Variants in B3GLCT observed in about 807,000 individuals in gnomAD.
B3GLCT encodes beta-1,3-glucosyltransferase.
B3GLCT carries 65 observed loss-of-function variants against 63.4 expected under a neutral mutation model. The observed-to-expected ratio is 1.03, with a 90% CI of 0.84 to 1.26. The LOEUF (loss-of-function observed/expected upper bound fraction) is 1.26. B3GLCT is among the 50% of genes most tolerant of loss of function. The pLI is 0.00. For missense variants in B3GLCT, 577 were observed against 604.8 expected (o/e 0.95, Z 0.48); for synonymous variants, 233 against 219.2 (o/e 1.06, Z -0.55).
rs1871228872 is a variant in B3GLCT, at chr13:31,247,052, G to A, written c.300G>A (p.Gln100=). ...TCCCCAGTGTCCTCCTCCTTCATCA[G>A]CTGGCTAAACAAGAAGGTGCATGGA... ...QELPSVLLLH[Q]LAKQEGAWTI... Residue 100 remains glutamine (Q), a synonymous_variant, in exon 5 of 15, where the codon CAG becomes CAA. Coordinates refer to ENST00000343307, the MANE Select transcript of B3GLCT (RefSeq NM_194318.4). 8 of 1,610,390 alleles carry A rather than the reference G, an allele frequency of 5.0e-6. No individual in the cohort carries two copies. In the East Asian group the frequency reaches 1.8e-4, roughly 36 times the overall value.
intron 4 of B3GLCT, among the ~76,000 whole-genome samples, chr13:31,232,232 A>G (rs1313248787): frequency 6.6e-6 from 1 of 152,212 alleles, no homozygotes; most frequent in African/African-American, 2.4e-5. Context: ...ATATTAGTCC[A>G]TCTTTGCATC....
chr13:31,328,425 G>A (rs1325799758), intron 14 of B3GLCT, among the ~76,000 whole-genome samples: 1 of 152,052 alleles, frequency 6.6e-6, no homozygotes, highest in African/African-American at 2.4e-5. Context: ...TGGGCAAAGT[G>A]GCTCACGCCT....
intron 12 of B3GLCT, among the ~76,000 whole-genome samples, chr13:31,291,707 A>C (rs1391308618): frequency 3.9e-5 from 6 of 152,172 alleles, no homozygotes; most frequent in Non-Finnish European, 8.8e-5. Context: ...CAGCTTAAGG[A>C]GATTTTGGGC....
chr13:31,212,042 G>T (rs1317873421), intron 1 of B3GLCT, among the ~76,000 whole-genome samples: 2 of 152,070 alleles, frequency 1.3e-5, no homozygotes, highest in Non-Finnish European at 2.9e-5. Context: ...AGAGGAAATT[G>T]TAACCCCAGA....
intron 12 of B3GLCT, among the ~76,000 whole-genome samples, chr13:31,309,292 C>T (rs1204359549): frequency 3.3e-5 from 5 of 152,170 alleles, no homozygotes; most frequent in Admixed American, 1.3e-4. Flanking sequence ...CCACAACAAT[C>T]AATGAGGAAG....
chr13:31,242,574 A>C (rs1483651603), intron 4 of B3GLCT, among the ~76,000 whole-genome samples: 1 of 152,264 alleles, frequency 6.6e-6, no homozygotes, highest in Non-Finnish European at 1.5e-5. Flanking sequence ...GCAGAGCCAC[A>C]ACTAGGATAA....
chr13:31,314,318 A>G (rs552617154), intron 12 of B3GLCT, among the ~76,000 whole-genome samples: 2 of 152,314 alleles, frequency 1.3e-5, no homozygotes, highest in East Asian at 3.9e-4. Flanking sequence ...AGAGCCGCAG[A>G]CACTCAATGT....
intron 3 of B3GLCT, among the ~76,000 whole-genome samples, chr13:31,224,211 A>G (rs566456039): frequency 1.3e-5 from 2 of 152,188 alleles, no homozygotes; most frequent in East Asian, 1.9e-4. Context: ...TTTTCTTTCT[A>G]TTATAACACC....
intron 3 of B3GLCT, among the ~76,000 whole-genome samples, chr13:31,226,401 G>A (rs1293979338): frequency 2.6e-5 from 4 of 152,206 alleles, no homozygotes; most frequent in Non-Finnish European, 4.4e-5. Context: ...TAGTGGCTAT[G>A]TTAAAAAGAG....
At chr13:31,226,683 C>T (rs1417479377) in intron 3 of B3GLCT, among the ~76,000 whole-genome samples, 1 of 152,096 alleles carries the variant, frequency 6.6e-6, no homozygotes, top group Non-Finnish European at 1.5e-5. Flanking sequence ...AATCCTCCCA[C>T]TTCAGCTTCC....
intron 7 of B3GLCT, among the ~76,000 whole-genome samples, chr13:31,263,240 T>A (rs986785046): frequency 6.6e-6 from 1 of 152,214 alleles, no homozygotes; most frequent in African/African-American, 2.4e-5. Context: ...TGTCTTCCTT[T>A]AGCAAGACTT....
At chr13:31,202,978 C>T (rs1368926300) in intron 1 of B3GLCT, among the ~76,000 whole-genome samples, 1 of 152,178 alleles carries the variant, frequency 6.6e-6, no homozygotes, top group Non-Finnish European at 1.5e-5. Context: ...AATCCTATTG[C>T]CAAACCTAAT....
At chr13:31,238,031 C>A (rs1870744297) in intron 4 of B3GLCT, among the ~76,000 whole-genome samples, 1 of 152,104 alleles carries the variant, frequency 6.6e-6, no homozygotes, top group Admixed American at 6.5e-5. Context: ...TATATTCCTC[C>A]CACAATACCA....
chr13:31,329,055 A>G (rs1875781279), intron 14 of B3GLCT, among the ~76,000 whole-genome samples: 1 of 152,186 alleles, frequency 6.6e-6, no homozygotes, highest in African/African-American at 2.4e-5. Context: ...CTAATTACAC[A>G]TTAGAGCAGT....
intron 1 of B3GLCT, among the ~76,000 whole-genome samples, chr13:31,208,459 C>A (rs1391306664): frequency 6.6e-6 from 1 of 152,118 alleles, no homozygotes; most frequent in Non-Finnish European, 1.5e-5. Flanking sequence ...GGCTCTCCTG[C>A]CTGTCTGCAC....
At chr13:31,286,022 T>C (rs1873314034) in intron 11 of B3GLCT, among the ~76,000 whole-genome samples, 1 of 152,192 alleles carries the variant, frequency 6.6e-6, no homozygotes, top group South Asian at 2.1e-4. Flanking sequence ...TTAATATAAG[T>C]TAATATTTGT....
intron 7 of B3GLCT, among the ~76,000 whole-genome samples, chr13:31,266,377 AG>A (rs1479074157): frequency 6.6e-6 from 1 of 152,224 alleles, no homozygotes; most frequent in Non-Finnish European, 1.5e-5. Flanking sequence ...CGTGTTTTCC[AG>A]GAACTGAATA....
At chr13:31,262,830 C>A (rs1007855844) in intron 7 of B3GLCT, among the ~76,000 whole-genome samples, 3 of 152,156 alleles carry the variant, frequency 2.0e-5, no homozygotes, top group Admixed American at 1.3e-4. Flanking sequence ...CTCATTTGAT[C>A]TCTACTTAGT....
At chr13:31,214,198 T>G (rs912609) in intron 1 of B3GLCT, among the ~76,000 whole-genome samples, 103,971 of 152,066 alleles carry the variant, frequency 0.68, 36,474 homozygotes, top group Non-Finnish European at 0.77. Flanking sequence ...CTGCCCTATG[T>G]CATTGCCTTT....
Sources: gnomAD v4.1 joint callset for allele counts (sites outside exome capture counted in the v4.1 genomes callset) on GRCh38, gnomAD v4.1.1 for gene constraint, MANE v1.5 for transcripts, NCBI Gene and HGNC (gene_info 2026-07-23, HGNC 2026-07-21) for gene names.